Variants in FCHSD2 observed in about 807,000 individuals in gnomAD.
FCHSD2 encodes FCH and double SH3 domains 2, also known as F-BAR and double SH3 domains protein 2.
In FCHSD2, 38 loss-of-function variants were observed where a neutral mutation model predicts 108.1. The ratio of observed to expected loss-of-function variants is 0.35; its 90% CI spans 0.27 to 0.46. FCHSD2 has a LOEUF of 0.46. Among genes scored for constraint, FCHSD2 ranks in the 20% least tolerant of loss-of-function variants. FCHSD2 has a pLI of 1.00. For synonymous variants in FCHSD2, 279 were observed against 314.7 expected, an observed-to-expected ratio of 0.89 and a Z score of 1.20; for missense variants, 751 against 897.8, an observed-to-expected ratio of 0.84 and a Z score of 2.09.
At chr11:72,893,694 G>A (rs1855363964) in intron 10 of FCHSD2, among the ~76,000 whole-genome samples, 1 of 151,336 alleles carries the variant, frequency 6.6e-6, no homozygotes, top group Admixed American at 6.6e-5. Context: ...GTTGCAGTGA[G>A]CCAAGATCGT....
chr11:73,084,027 C>T (rs1209185581), intron 2 of FCHSD2, among the ~76,000 whole-genome samples: 3 of 152,170 alleles, frequency 2.0e-5, no homozygotes, highest in Non-Finnish European at 4.4e-5. Flanking sequence ...AATAACAGTA[C>T]TCACCTCATA....
At chr11:72,841,123 C>T (rs879942114) in intron 18 of FCHSD2, among the ~76,000 whole-genome samples, 164 bp from the exon 19 acceptor site, 3 of 151,992 alleles carry the variant, frequency 2.0e-5, no homozygotes, top group Non-Finnish European at 4.4e-5. Flanking sequence ...AGCTATGATC[C>T]CACCACTGCA....
chr11:73,094,006 T>C (rs1346713499), intron 2 of FCHSD2, among the ~76,000 whole-genome samples: 1 of 151,610 alleles, frequency 6.6e-6, no homozygotes, highest in East Asian at 2.0e-4. Context: ...AGGTCAGGAG[T>C]TCAAGCCCAG....
At chr11:72,959,500 G>T (rs973508810) in intron 8 of FCHSD2, among the ~76,000 whole-genome samples, 1 of 151,514 alleles carries the variant, frequency 6.6e-6, no homozygotes, top group African/African-American at 2.4e-5. Context: ...CTCCCAAAGT[G>T]CTGGGATAAC....
At chr11:72,939,609 C>CTTTTTT (rs1194333407) in intron 8 of FCHSD2, among the ~76,000 whole-genome samples, 3 of 65,460 alleles carry the variant, frequency 4.6e-5, no homozygotes, top group East Asian at 4.6e-4. Context: ...CTTTCTTTTC[C>CTTTTTT]TTTTTTTTTT....
chr11:72,899,935 T>C (rs1855493598), intron 10 of FCHSD2, among the ~76,000 whole-genome samples: 1 of 152,106 alleles, frequency 6.6e-6, no homozygotes, highest in African/African-American at 2.4e-5. Flanking sequence ...GTCATTAATT[T>C]ACCGTATGAC....
chr11:73,115,404 C>T (rs1430779886), intron 2 of FCHSD2, among the ~76,000 whole-genome samples: 1 of 152,176 alleles, frequency 6.6e-6, no homozygotes, highest in African/African-American at 2.4e-5. Flanking sequence ...AGGATAGTCT[C>T]GTTCTCCTGA....
chr11:72,921,685 T>C (rs1404908893), intron 9 of FCHSD2, 143 bp downstream of exon 9: 2 of 650,912 alleles, frequency 3.1e-6, no homozygotes, highest in East Asian at 5.6e-5. Flanking sequence ...TCCTCCAACT[T>C]TGTTAGAAGG....
At chr11:73,005,628 A>C (rs758182724) in intron 4 of FCHSD2, among the ~76,000 whole-genome samples, 4 of 152,004 alleles carry the variant, frequency 2.6e-5, no homozygotes, top group Admixed American at 6.5e-5. Context: ...ATTGTTTTTA[A>C]ATTTTTATTT....
intron 11 of FCHSD2, 27 bp downstream of exon 11, chr11:72,889,802 G>T (rs376186984): frequency 5.2e-5 from 69 of 1,316,854 alleles, no homozygotes; most frequent in Non-Finnish European, 6.6e-5. Flanking sequence ...TAAGGTGAAT[G>T]TAACTAGGAC....
Position 73,096,536 on chromosome 11 carries a change from G to C in FCHSD2, c.120-12796C>G, listed in dbSNP as rs998263307. 7.2e-5 allele frequency among the ~76,000 whole-genome samples: 11 copies of C among 152,130 alleles called. 1 individual carries two copies. Among genetic ancestry groups the C allele is most frequent in the Middle Eastern group, 6.8e-3 (2 of 294 alleles). On this transcript the variant is annotated intron_variant, in intron 2 of 19. Coordinates refer to ENST00000409418, the MANE Select transcript of FCHSD2 (RefSeq NM_014824.3). ...GCTGCACTCCAGCCTGGGTGGCAGA[G>C]CAAAGGAAAGGAAAGGAAAGGAAAG...
chr11:72,850,188 G>A (rs749730627), intron 13 of FCHSD2, among the ~76,000 whole-genome samples: 13 of 147,908 alleles, frequency 8.8e-5, no homozygotes, highest in Admixed American at 5.5e-4. Flanking sequence ...TCAGTCTCCC[G>A]AATAGCTGGG....
At chr11:72,928,077 T>C (rs1856112997) in intron 8 of FCHSD2, among the ~76,000 whole-genome samples, 1 of 152,234 alleles carries the variant, frequency 6.6e-6, no homozygotes, top group African/African-American at 2.4e-5. Context: ...TTAGTCTTTC[T>C]TGCCTTGCTT....
chr11:72,851,192 A>G (rs1861279280), intron 13 of FCHSD2, among the ~76,000 whole-genome samples: 1 of 151,820 alleles, frequency 6.6e-6, no homozygotes, highest in African/African-American at 2.4e-5. Flanking sequence ...ATGTGAATTC[A>G]TACATCCTTT....
At chr11:72,905,668 T>C (rs1258864320) in intron 9 of FCHSD2, among the ~76,000 whole-genome samples, 1 of 151,860 alleles carries the variant, frequency 6.6e-6, no homozygotes, top group Non-Finnish European at 1.5e-5. Context: ...AACTCCCATC[T>C]ATGAGTGAGA....
At chr11:73,141,607 C>T (rs1861250158) in intron 1 of FCHSD2, among the ~76,000 whole-genome samples, 1 of 152,354 alleles carries the variant, frequency 6.6e-6, no homozygotes. Context: ...CACAAATGCA[C>T]ACCCGAAACT....
rs1198046286 is a variant in FCHSD2, at chr11:73,009,910, G to T, written c.242+5899C>A. Among the ~76,000 whole-genome samples the T allele has an allele frequency of 2.6e-5, 4 of 152,120 alleles. No individual in the cohort carries two copies. In the East Asian group the frequency reaches 5.8e-4, roughly 22 times the overall value. ...TTTTTGCATTTCATCTGCCTGGGGG[G>T]GTCTCAGAGCCTCCAGTATCTGGAT... On this transcript the variant is annotated intron_variant, in intron 4 of 19. Transcript: ENST00000409418.
chr11:73,042,794 G>A lies in FCHSD2; in HGVS notation c.166-26909C>T, dbSNP rs145603882. ...ATCTCCTTGGTTAAATTTATTCCTA[G>A]GAATTTTACTTTTTTCTAGCTATTA... On this transcript the variant is annotated intron_variant, in intron 3 of 19. Transcript: ENST00000409418. Among the ~76,000 whole-genome samples the A allele has an allele frequency of 4.9e-3, 743 of 151,830 alleles. 4 individuals carry two copies. The highest frequency in any genetic ancestry group is 0.017 in the African/African-American group (721 of 41,402).
chr11:73,030,953 GACCTAAGAAACTGTAGTAT>G (rs1292727611), intron 3 of FCHSD2, among the ~76,000 whole-genome samples: 4 of 151,452 alleles, frequency 2.6e-5, no homozygotes, highest in Admixed American at 1.3e-4. Context: ...TTTATCCTTT[GACCTAAGAAACTGTAGTAT>G]ACACATACAC....
Sources: allele counts gnomAD v4.1 joint callset (sites outside exome capture counted in the v4.1 genomes callset), GRCh38; gene constraint gnomAD v4.1.1; transcripts MANE v1.5; gene names NCBI Gene and HGNC (gene_info 2026-07-23, HGNC 2026-07-21).